The following ZBTB2 variants were observed in gnomAD, a reference collection of about 807,000 sequenced individuals.
The protein encoded by ZBTB2 is zinc finger and BTB domain-containing protein 2.
Under a neutral mutation model 39.5 loss-of-function variants are expected in ZBTB2, and 2 were observed. The observed-to-expected ratio is 0.05, with a 90% CI of 0.02 to 0.16. The LOEUF (loss-of-function observed/expected upper bound fraction) is 0.16. ZBTB2 is among the 10% of genes least tolerant of loss of function. The pLI is 1.00. For missense variants in ZBTB2, 391 were observed against 653.0 expected (o/e 0.60, Z 4.37); for synonymous variants, 251 against 256.6 (o/e 0.98, Z 0.21).
chr6:151,367,390 G>A (rs921992300), intron 2 of ZBTB2, among the ~76,000 whole-genome samples: 1 of 152,068 alleles, frequency 6.6e-6, no homozygotes, highest in Non-Finnish European at 1.5e-5. Context: ...CAAAGTGCTG[G>A]GATTATAGGC....
intron 1 of ZBTB2, among the ~76,000 whole-genome samples, chr6:151,377,651 C>T (rs1004354004): frequency 6.6e-5 from 10 of 150,962 alleles, no homozygotes; most frequent in Non-Finnish European, 1.3e-4. Context: ...GCGATTCTCC[C>T]GCCTCAGCCT....
At chr6:151,369,711 GC>G (rs1778741920) in intron 2 of ZBTB2, among the ~76,000 whole-genome samples, 1 of 152,086 alleles carries the variant, frequency 6.6e-6, no homozygotes, top group Non-Finnish European at 1.5e-5. Context: ...AGTGGCTAAT[GC>G]CTATAATCCC....
At chr6:151,376,039 C>T (rs1429081628) in intron 1 of ZBTB2, among the ~76,000 whole-genome samples, 1 of 152,078 alleles carries the variant, frequency 6.6e-6, no homozygotes, top group Non-Finnish European at 1.5e-5. Context: ...TAAATATGCA[C>T]AACTGATTAC....
At chr6:151,390,656 G>C (rs1337280030) in intron 1 of ZBTB2, among the ~76,000 whole-genome samples, 1 of 151,596 alleles carries the variant, frequency 6.6e-6, no homozygotes, top group African/African-American at 2.4e-5. Context: ...CCCGCGAGCG[G>C]GAGGCGGAGC....
rs1241745609 is a variant in ZBTB2 at position 151,373,011 on chromosome 6, C to T, written c.173+454G>A. 4.6e-5 allele frequency among the ~76,000 whole-genome samples: 7 copies of T among 151,742 alleles called. No individual in the cohort carries two copies. The South Asian group carries it at 6.3e-4, about 14-fold the overall frequency. ...CTACTAAAAATACAAAAATATTAGC[C>T]GGGCGTGGCGGCGGGTGCCTGTAGT... On this transcript the variant is annotated intron_variant, in intron 2 of 2. Transcript: ENST00000325144.
chr6:151,373,010 C>T (rs1029451916), intron 2 of ZBTB2, among the ~76,000 whole-genome samples: 1 of 151,714 alleles, frequency 6.6e-6, no homozygotes, highest in Non-Finnish European at 1.5e-5. Flanking sequence ...AAAATATTAG[C>T]CGGGCGTGGC....
At chr6:151,383,936 G>A (rs189993747) in intron 1 of ZBTB2, among the ~76,000 whole-genome samples, 1 of 152,158 alleles carries the variant, frequency 6.6e-6, no homozygotes, top group Admixed American at 6.5e-5. Flanking sequence ...ATATGGCCTA[G>A]GGTTTAGTAT....
At chr6:151,391,144 C>T (rs12528339) in intron 1 of ZBTB2, among the ~76,000 whole-genome samples, 50,521 of 150,374 alleles carry the variant, frequency 0.34, 9,725 homozygotes, top group East Asian at 0.68. Context: ...TTTTGTCAAG[C>T]GGCCAGAGCC....
intron 1 of ZBTB2, among the ~76,000 whole-genome samples, chr6:151,390,406 C>A (rs1219759045): frequency 2.0e-5 from 3 of 150,316 alleles, no homozygotes; most frequent in Non-Finnish European, 4.5e-5. Context: ...GCACTCCGGC[C>A]GCGTTGCACG....
chr6:151,372,106 C>A (rs1778800630), intron 2 of ZBTB2, among the ~76,000 whole-genome samples: 1 of 152,126 alleles, frequency 6.6e-6, no homozygotes, highest in South Asian at 2.1e-4. Context: ...AAGACACACA[C>A]CCATAGGAAG....
chr6:151,373,108 T>C (rs1264625804), intron 2 of ZBTB2, among the ~76,000 whole-genome samples: 4 of 128,918 alleles, frequency 3.1e-5, no homozygotes, highest in Admixed American at 1.0e-4. Context: ...TGAGCCGAGA[T>C]TGCACCACTG....
intron 2 of ZBTB2, among the ~76,000 whole-genome samples, chr6:151,368,932 G>C (rs1416778039): frequency 2.0e-5 from 3 of 147,908 alleles, no homozygotes; most frequent in Non-Finnish European, 4.5e-5. Context: ...GCTAATTTTT[G>C]TATTTTTTTT....
At chr6:151,377,776 C>T (rs535038355) in intron 1 of ZBTB2, among the ~76,000 whole-genome samples, 31 of 151,998 alleles carry the variant, frequency 2.0e-4, no homozygotes, top group Admixed American at 8.5e-4. Flanking sequence ...CCTTGTGATC[C>T]GCCCACCTTG....
intron 1 of ZBTB2, among the ~76,000 whole-genome samples, chr6:151,385,515 T>C (rs1018424460): frequency 6.6e-6 from 1 of 152,346 alleles, no homozygotes; most frequent in Non-Finnish European, 1.5e-5. Context: ...AGTGTAAGAA[T>C]AGGAGATCAA....
At chr6:151,382,044 C>T (rs1183122836) in intron 1 of ZBTB2, among the ~76,000 whole-genome samples, 2 of 152,134 alleles carry the variant, frequency 1.3e-5, no homozygotes, top group Non-Finnish European at 2.9e-5. Flanking sequence ...ATATGGTAAT[C>T]TACTGCTCCT....
At chr6:151,375,789 G>A (rs1010193395) in intron 1 of ZBTB2, among the ~76,000 whole-genome samples, 2 of 151,994 alleles carry the variant, frequency 1.3e-5, no homozygotes, top group Non-Finnish European at 2.9e-5. Flanking sequence ...TGCTGGCCTC[G>A]AACTCCTGAC....
chr6:151,388,065 A>T (rs868681405), intron 1 of ZBTB2, among the ~76,000 whole-genome samples: 7 of 148,798 alleles, frequency 4.7e-5, no homozygotes, highest in African/African-American at 1.5e-4. Flanking sequence ...GAATGTTTAC[A>T]TTTTTTTTTT....
At position 151,364,797 on chromosome 6, in the gene ZBTB2, A is replaced by C. The variant is rs1174011286; in HGVS notation, c.*724T>G. ...TTTGTTGTTGCTCAACTTGGAAAGA[A>C]GCCAGCAATGAGATAAGGATGTGCA... On this transcript the variant is annotated 3_prime_UTR_variant, in exon 3 of 3. Transcript: ENST00000325144. 1.3e-5 allele frequency: 2 copies of C among 152,598 alleles called. No homozygotes were observed. Among genetic ancestry groups the C allele is most frequent in the African/African-American group, 4.8e-5 (2 of 41,418 alleles). The allele number at this position is 152,598 out of a possible 1,614,324, so 9.5% of individuals were successfully genotyped here.
At position 151,365,660 on chromosome 6, in the gene ZBTB2, T is replaced by C. The variant is rs771525122; in HGVS notation, c.1406A>G (p.Gln469Arg). ...GGCAAAAACATCCGAGTTCTGGTTT[T>C]GGCATGAATGTTTAACAACCTCATT... is the stretch of plus-strand genomic sequence containing the variant. ...TPNEVVKHSC[Q>R]NQNSDVFALD... Residue 469 changes from glutamine to arginine, a missense_variant, in exon 3 of 3, where the codon CAA (glutamine) becomes CGA (arginine). This residue lies in a region of ZBTB2 where 49 missense variants were observed against 55.6 expected (regional missense o/e 0.88). Coordinates refer to ENST00000325144, the MANE Select transcript of ZBTB2 (RefSeq NM_020861.3). This position sits in a 1 kb window ranked among gnomAD's most constrained non-coding sequence, Gnocchi z 5.6. 2.5e-6 allele frequency: 4 copies of C among 1,614,126 alleles called. No individual in the cohort carries two copies. Among genetic ancestry groups the C allele is most frequent in the Admixed American group, 1.7e-5 (1 of 60,006 alleles).
Sources: gnomAD v4.1 joint callset for allele counts (sites outside exome capture counted in the v4.1 genomes callset) on GRCh38, gnomAD v4.1.1 for gene constraint, gnomAD v4.1.1 regional missense constraint, Gnocchi (gnomAD v3.1) non-coding constraint, MANE v1.5 for transcripts, NCBI Gene and HGNC (gene_info 2026-07-23, HGNC 2026-07-21) for gene names.